Variants in INPP5A observed in about 807,000 individuals in gnomAD.
INPP5A encodes 43 kDa inositol polyphosphate 5-phophatase.
A neutral mutation model predicts 65.2 loss-of-function variants in INPP5A; 14 were observed. That is an observed-to-expected ratio of 0.21 (90% CI 0.14 to 0.34). The LOEUF is 0.34. Ranked by LOEUF, INPP5A falls within the 10% of genes least tolerant of loss-of-function variation. The pLI is 1.00. For synonymous variants in INPP5A, 207 were observed against 208.3 expected (o/e 0.99, Z 0.05); for missense variants, 431 against 545.6 (o/e 0.79, Z 2.09).
chr10:132,647,235 C>T (rs1197366332), intron 3 of INPP5A, among the ~76,000 whole-genome samples: 1 of 151,970 alleles, frequency 6.6e-6, no homozygotes, highest in Non-Finnish European at 1.5e-5. Flanking sequence ...TCTGCCTCAG[C>T]CTCCCGAGTA....
chr10:132,665,034 G>C (rs1448536847), intron 4 of INPP5A, among the ~76,000 whole-genome samples: 1 of 152,208 alleles, frequency 6.6e-6, no homozygotes, highest in African/African-American at 2.4e-5. Context: ...TCGTGGCCTG[G>C]CAGCGCCCCG....
intron 11 of INPP5A, among the ~76,000 whole-genome samples, chr10:132,755,274 C>T (rs1846576553): frequency 7.3e-6 from 1 of 137,000 alleles, no homozygotes; most frequent in African/African-American, 2.8e-5. Flanking sequence ...TGCATGTGAG[C>T]CTTCATGAGC....
chr10:132,579,310 C>T (rs1217890069), intron 1 of INPP5A, among the ~76,000 whole-genome samples: 6 of 152,168 alleles, frequency 3.9e-5, no homozygotes, highest in Middle Eastern at 3.4e-3. Context: ...GGGTGGCTGT[C>T]GTGCCCCTGA....
intron 4 of INPP5A, among the ~76,000 whole-genome samples, chr10:132,652,665 C>T (rs1333178643): frequency 6.6e-6 from 1 of 152,172 alleles, no homozygotes; most frequent in Non-Finnish European, 1.5e-5. Context: ...GACCATCGCT[C>T]AGCTCTTTCC....
At chr10:132,765,050 G>A (rs1846817337) in intron 11 of INPP5A, among the ~76,000 whole-genome samples, 1 of 149,126 alleles carries the variant, frequency 6.7e-6, no homozygotes, top group Non-Finnish European at 1.5e-5. Context: ...GGGTGTGCGT[G>A]GTGACACTCA....
At position 132,651,602 on chromosome 10, in the gene INPP5A, T is replaced by C. The variant is rs1490168793; in HGVS notation, c.306+1097T>C. The stretch of plus-strand genomic sequence containing the variant: ...CAGCATCAGCGCCCACTAGCCGTCA[T>C]TGCGCCGTCACGTGACAGGCCCTTG... On this transcript the variant is annotated intron_variant, in intron 4 of 15. Coordinates refer to ENST00000368594, the MANE Select transcript of INPP5A (RefSeq NM_005539.5). This position sits in a 1 kb window ranked among gnomAD's most constrained non-coding sequence, Gnocchi z 5.0. Among the ~76,000 whole-genome samples, 1 of 152,198 alleles carries C rather than the reference T, an allele frequency of 6.6e-6. No homozygotes were observed. Among genetic ancestry groups the C allele is most frequent in the Non-Finnish European group, 1.5e-5 (1 of 68,020 alleles).
Position 132,710,334 on chromosome 10 carries a change from C to T in INPP5A, c.528-3C>T, listed in dbSNP as rs763049186. 4 of 1,613,828 alleles carry T rather than the reference C, an allele frequency of 2.5e-6. No homozygotes were observed. Among genetic ancestry groups the T allele is most frequent in the Non-Finnish European group, 2.5e-6 (3 of 1,179,924 alleles). ...GACGTGTCCTTTTCTCTTTTGGTTG[C>T]AGTGCCTTTGACTTGGTGAATATCC... On this transcript the variant is annotated splice_region_variant and splice_polypyrimidine_tract_variant and intron_variant, in intron 7 of 15. Transcript: ENST00000368594.
intron 12 of INPP5A, among the ~76,000 whole-genome samples, chr10:132,771,252 C>T (rs1474572781): frequency 6.6e-6 from 1 of 152,196 alleles, no homozygotes; most frequent in Non-Finnish European, 1.5e-5. Flanking sequence ...CCACCCAGCC[C>T]AAGACCCCAT....
intron 4 of INPP5A, among the ~76,000 whole-genome samples, chr10:132,684,956 C>T (rs2073096034): frequency 6.6e-6 from 1 of 152,126 alleles, no homozygotes; most frequent in South Asian, 2.1e-4. Context: ...TCTCTCGACT[C>T]TCATTTAAAA....
chr10:132,694,569 T>C (rs1473422653), intron 5 of INPP5A, among the ~76,000 whole-genome samples: 2 of 151,846 alleles, frequency 1.3e-5, no homozygotes, highest in Non-Finnish European at 2.9e-5. Flanking sequence ...AGCAACAGAA[T>C]TGAAAACAGG....
rs114347997 is a variant in INPP5A, at chr10:132,696,719, A to T, written c.371-1097A>T. On this transcript the variant is annotated intron_variant, in intron 5 of 15. Coordinates refer to ENST00000368594, the MANE Select transcript of INPP5A (RefSeq NM_005539.5). The stretch of plus-strand genomic sequence containing the variant: ...TCCATGCTCCATAAGTCGCTGAAAC[A>T]TCTCATGCTGTCTCCTGTCCATGAG... 2.7e-3 allele frequency among the ~76,000 whole-genome samples: 407 copies of T among 152,294 alleles called. 1 individual carries two copies. Among genetic ancestry groups the T allele is most frequent in the African/African-American group, 9.3e-3 (388 of 41,558 alleles).
intron 6 of INPP5A, among the ~76,000 whole-genome samples, chr10:132,703,643 C>G (rs1203574182): frequency 1.6e-5 from 2 of 122,218 alleles, no homozygotes; most frequent in Non-Finnish European, 3.4e-5. Flanking sequence ...CGCGCACCTT[C>G]ATCCCCGCAC....
chr10:132,594,387 C>A (rs1055733418), intron 1 of INPP5A, among the ~76,000 whole-genome samples: 2 of 151,134 alleles, frequency 1.3e-5, no homozygotes, highest in African/African-American at 4.9e-5. Flanking sequence ...ACTGAGACTT[C>A]CTGCGTCGGT....
chr10:132,607,985 G>C, intron 2 of INPP5A, 29 bp downstream of exon 2: 1 of 1,605,862 alleles, frequency 6.2e-7, no homozygotes, highest in Non-Finnish European at 8.5e-7. Flanking sequence ...TGTTCTTTTG[G>C]ATTCATTACT....
intron 1 of INPP5A, among the ~76,000 whole-genome samples, chr10:132,602,419 G>T (rs2786903): frequency 0.25 from 37,283 of 151,722 alleles, 5,382 homozygotes; most frequent in East Asian, 0.5. Context: ...CTCAGCTCCC[G>T]AGTAGCTGGG....
intron 5 of INPP5A, among the ~76,000 whole-genome samples, chr10:132,696,369 TGAA>T (rs1378168043): frequency 2.6e-5 from 4 of 152,344 alleles, no homozygotes; most frequent in East Asian, 1.9e-4. Flanking sequence ...CCCAGAGTTT[TGAA>T]GAAGAAGAGC....
intron 1 of INPP5A, among the ~76,000 whole-genome samples, chr10:132,566,346 C>T (rs184951820): frequency 1.6e-4 from 24 of 152,246 alleles, no homozygotes; most frequent in Non-Finnish European, 2.9e-4. Context: ...GAGGAACATC[C>T]GGCCCCAGTT....
intron 2 of INPP5A, among the ~76,000 whole-genome samples, chr10:132,624,035 G>A (rs1470093528): frequency 5.9e-5 from 9 of 152,114 alleles, no homozygotes; most frequent in Admixed American, 3.9e-4. Context: ...TGATGAAGAC[G>A]CAGGGCCACC....
Position 132,538,219 on chromosome 10 carries a change from C to A in INPP5A, c.75+48C>A. ...AGGCCCCAAGCCCGGAACCCCCGACCCTGACCCCGGGGTCCCGAACTGCAA... is the reference window on the plus strand; with the variant it reads ...AGGCCCCAAGCCCGGAACCCCCGACACTGACCCCGGGGTCCCGAACTGCAA... On this transcript the variant is annotated intron_variant, in intron 1 of 15. Transcript: ENST00000368594. The surrounding 1 kb of genome is among the most constrained non-coding windows in gnomAD (Gnocchi z 4.1). 1 of 1,157,752 alleles carries A rather than the reference C, an allele frequency of 8.6e-7. No homozygotes were observed. The highest frequency in any genetic ancestry group is 3.4e-5 in the South Asian group (1 of 29,070). 71.7% of individuals were successfully genotyped at this position (1,157,752 alleles called of 1,614,324 possible).
Sources: allele counts gnomAD v4.1 joint callset (sites outside exome capture counted in the v4.1 genomes callset), GRCh38; gene constraint gnomAD v4.1.1; non-coding constraint Gnocchi (gnomAD v3.1); transcripts MANE v1.5; gene names NCBI Gene and HGNC (gene_info 2026-07-23, HGNC 2026-07-21).